Variants in ANAPC1 observed in about 807,000 individuals in gnomAD.
The protein encoded by ANAPC1 is anaphase promoting complex subunit 1, also known as anaphase-promoting complex subunit 1.
A neutral mutation model predicts 208.0 loss-of-function variants in ANAPC1; 36 were observed. The observed-to-expected ratio is 0.17, with a 90% confidence interval of 0.13 to 0.23. The LOEUF is 0.23. Ranked by LOEUF, ANAPC1 falls within the 10% of genes least tolerant of loss-of-function variation. The pLI, the probability that ANAPC1 is intolerant of heterozygous loss-of-function variation, is 1.00. For missense variants in ANAPC1, 942 were observed against 2,011.6 expected (o/e 0.47, Z 10.17); for synonymous variants, 378 against 695.2 (o/e 0.54, Z 7.18).
In ANAPC1 at chr2:111,879,014, T is replaced by A. The variant is rs1165638150; in HGVS notation, c.214-43A>T. 1.9e-6 allele frequency: 3 copies of A among 1,571,368 alleles called. No homozygotes were observed. In the African/African-American group the frequency reaches 4.1e-5, roughly 22 times the overall value. On this transcript the variant is annotated intron_variant, in intron 2 of 47. Coordinates refer to ENST00000341068, the MANE Select transcript of ANAPC1 (RefSeq NM_022662.4). ...GTAAAACATATTCAAGCACTCTTTT[T>A]TTGTTCTTCAAAAATCTGGAACAAA...
chr2:111,810,922 T>A, intron 28 of ANAPC1, among the ~76,000 whole-genome samples: 1 of 146,884 alleles, frequency 6.8e-6, no homozygotes, highest in Non-Finnish European at 1.5e-5. Flanking sequence ...TGGTACCAAC[T>A]AGGGCTGGAG....
At chr2:111,855,050 T>A (rs1026492924) in intron 13 of ANAPC1, among the ~76,000 whole-genome samples, 9 of 152,200 alleles carry the variant, frequency 5.9e-5, no homozygotes, top group Non-Finnish European at 1.0e-4. Flanking sequence ...AAACCTGTGA[T>A]TCTTCCCTTC....
At chr2:111,779,004 A>C (rs1370350515) in intron 44 of ANAPC1, 1 of 180,210 alleles carries the variant, frequency 5.5e-6, no homozygotes, top group East Asian at 1.6e-4. Flanking sequence ...AGAGGAATGG[A>C]CCAAACTAGG....
intron 9 of ANAPC1, 143 bp downstream of exon 9, chr2:111,863,532 A>T (rs11687898): frequency 0.53 from 150,960 of 284,544 alleles, 50,424 homozygotes; most frequent in African/African-American, 0.63. Flanking sequence ...AAAAAAAAAA[A>T]GGCTCAATTG....
intron 1 of ANAPC1, among the ~76,000 whole-genome samples, chr2:111,883,566 T>G (rs1299453427): frequency 6.8e-6 from 1 of 147,440 alleles, no homozygotes; most frequent in Admixed American, 6.8e-5. Flanking sequence ...AAATGCACAC[T>G]AACGGGAGCT....
intron 5 of ANAPC1, chr2:111,872,968 T>C (rs1682834340): frequency 1.1e-5 from 6 of 521,966 alleles, no homozygotes; most frequent in Non-Finnish European, 1.7e-5. Context: ...AATGACAATG[T>C]GTTAACAATA....
At position 111,872,588 on chromosome 2, in the gene ANAPC1, A is replaced by G. The variant is rs768650058; in HGVS notation, c.611+42T>C. On this transcript the variant is annotated intron_variant, in intron 6 of 47. Transcript: ENST00000341068. Reference sequence around the variant, plus strand: ...AACCTCAGAACCAACACAAACACACAAATCCCAAGCAGTAATATTCTGAAG... The same window carrying G: ...AACCTCAGAACCAACACAAACACACGAATCCCAAGCAGTAATATTCTGAAG... The G allele has an allele frequency of 4.0e-6, 6 of 1,505,666 alleles. No individual in the cohort carries two copies. In the South Asian group the frequency reaches 6.9e-5, roughly 17 times the overall value. The allele number at this position is 1,505,666 out of a possible 1,614,324, so 93.3% of individuals were successfully genotyped here. A position where few individuals can be genotyped will look rare whatever the true frequency, so the allele number is the denominator to read the frequency against.
chr2:111,832,414 C>G (rs915532837), intron 20 of ANAPC1, among the ~76,000 whole-genome samples: 5 of 152,036 alleles, frequency 3.3e-5, no homozygotes, highest in African/African-American at 1.2e-4. Flanking sequence ...AACAACTGGG[C>G]CCCAAATTTC....
chr2:111,858,531 C>A (rs554905589), intron 10 of ANAPC1, 130 bp from the exon 11 acceptor site: 3 of 520,426 alleles, frequency 5.8e-6, no homozygotes, highest in South Asian at 2.3e-5. Flanking sequence ...GAGGCCGAGG[C>A]GGGCAGATCA....
rs143278866 is a variant in ANAPC1, at chr2:111,847,152, G to A, written c.1838C>T (p.Ala613Val). Residue 613 changes from alanine (A) to valine (V), a missense_variant, in exon 16 of 48, where the codon GCC (alanine) becomes GTC (valine). Coordinates refer to ENST00000341068, the MANE Select transcript of ANAPC1 (RefSeq NM_022662.4). ...SMVRITIPEI[A>V]TSELVQTCLQ... ...CTCAATCGTACCTAACTCAGAGGTGGCAATTTCAGGAATAGTGATCCTAAC... is the reference window on the plus strand; with the variant it reads ...CTCAATCGTACCTAACTCAGAGGTGACAATTTCAGGAATAGTGATCCTAAC... The A allele has an allele frequency of 2.0e-4, 328 of 1,609,472 alleles. No individual in the cohort carries two copies. Among genetic ancestry groups the A allele is most frequent in the Non-Finnish European group, 2.3e-4 (271 of 1,178,204 alleles).
chr2:111,775,503 T>C (rs1363893403), intron 46 of ANAPC1, among the ~76,000 whole-genome samples: 1 of 152,274 alleles, frequency 6.6e-6, no homozygotes, highest in East Asian at 1.9e-4. Flanking sequence ...GGAGACTATA[T>C]ATTTAAGAGG....
chr2:111,808,781 T>C, intron 29 of ANAPC1, among the ~76,000 whole-genome samples, 166 bp downstream of exon 29: 1 of 152,060 alleles, frequency 6.6e-6, no homozygotes, highest in Non-Finnish European at 1.5e-5. Flanking sequence ...TGGATAACAT[T>C]ACTTAGAGTT....
At chr2:111,864,326 T>TGG (rs1312583880) in intron 8 of ANAPC1, among the ~76,000 whole-genome samples, 39 of 119,812 alleles carry the variant, frequency 3.3e-4, no homozygotes, top group Admixed American at 1.1e-3. Flanking sequence ...GCCCTGTCTC[T>TGG]AGAGATGATG....
At chr2:111,838,397 C>T in intron 18 of ANAPC1, 41 bp downstream of exon 18, 1 of 1,485,010 alleles carries the variant, frequency 6.7e-7, no homozygotes. Flanking sequence ...GTATGAATAT[C>T]CATAAATTAA....
intron 18 of ANAPC1, among the ~76,000 whole-genome samples, chr2:111,837,004 T>C (rs1336967183): frequency 6.6e-6 from 1 of 151,662 alleles, no homozygotes; most frequent in Non-Finnish European, 1.5e-5. Flanking sequence ...CACAAAGACT[T>C]GCCAGTGAAT....
intron 2 of ANAPC1, 106 bp downstream of exon 2, chr2:111,880,507 A>G: frequency 6.8e-7 from 1 of 1,469,656 alleles, no homozygotes; most frequent in African/African-American, 1.4e-5. Context: ...ACTCTACTCT[A>G]GAAGTGGCAT....
chr2:111,821,453 C>T lies in ANAPC1; in HGVS notation c.2992G>A (p.Val998Met). The change falls in exon 26 of 48, where the codon GTG becomes ATG. Residue 998 changes from valine to methionine, a missense_variant and splice_region_variant. Physicochemically the swap from Val to Met is conservative, Grantham distance 21 (BLOSUM62 1). Coordinates refer to ENST00000341068, the MANE Select transcript of ANAPC1 (RefSeq NM_022662.4). ...CCTGAAGGAACATCTGATGAGAGCA[C>T]CTGAGTAACAGACTTTATTGTAATA... is the stretch of plus-strand genomic sequence containing the variant. The part of the protein sequence containing the change: ...CEGNLPKGKS[V>M]LSSDVPSGTE... 2 of 1,540,552 alleles carry T rather than the reference C, an allele frequency of 1.3e-6. No individual in the cohort carries two copies. The highest frequency in any genetic ancestry group is 1.7e-5 in the Admixed American group (1 of 58,992).
At chr2:111,878,123 G>A (rs1231341927) in intron 3 of ANAPC1, among the ~76,000 whole-genome samples, 2 of 152,210 alleles carry the variant, frequency 1.3e-5, no homozygotes, top group Non-Finnish European at 2.9e-5. Context: ...ACAGGGTGAT[G>A]TGTTGGTGCC....
intron 27 of ANAPC1, among the ~76,000 whole-genome samples, chr2:111,817,858 T>G (rs1190946935): frequency 9.1e-6 from 1 of 110,330 alleles, no homozygotes; most frequent in South Asian, 3.4e-4. Flanking sequence ...TAATTTCAAC[T>G]ATGTAATTGT....
Sources: allele counts gnomAD v4.1 joint callset (sites outside exome capture counted in the v4.1 genomes callset), GRCh38; gene constraint gnomAD v4.1.1; transcripts MANE v1.5; gene names NCBI Gene and HGNC (gene_info 2026-07-23, HGNC 2026-07-21).